The following MIPOL1 variants were observed in gnomAD, a reference collection of about 807,000 sequenced individuals.
MIPOL1 encodes the protein mirror-image polydactyly 1.
In MIPOL1, 57 loss-of-function variants were observed where a neutral mutation model predicts 60.9. The observed-to-expected ratio is 0.94, with a 90% CI of 0.76 to 1.17. The LOEUF (loss-of-function observed/expected upper bound fraction) is 1.17, where lower values mean the gene tolerates loss of function less well. Among genes scored for constraint, MIPOL1 ranks in the 50% most tolerant of loss-of-function variants. The pLI is 0.00. For synonymous variants in MIPOL1, 179 were observed against 168.8 expected, an observed-to-expected ratio of 1.06 and a Z score of -0.47; for missense variants, 551 against 511.6, an observed-to-expected ratio of 1.08 and a Z score of -0.74.
At chr14:37,413,967 TAAAG>T (rs2093721955) in intron 10 of MIPOL1, among the ~76,000 whole-genome samples, 1 of 152,182 alleles carries the variant, frequency 6.6e-6, no homozygotes, top group Admixed American at 6.5e-5. Context: ...ATTAGTGAGA[TAAAG>T]GAAGACCATA....
intron 12 of MIPOL1, among the ~76,000 whole-genome samples, chr14:37,508,117 A>G (rs1373821084): frequency 6.6e-6 from 1 of 152,192 alleles, no homozygotes; most frequent in Non-Finnish European, 1.5e-5. Flanking sequence ...ACTTCGTAAG[A>G]TGGTATTCAT....
chr14:37,337,350 A>G (rs1405131967), intron 9 of MIPOL1, among the ~76,000 whole-genome samples: 41 of 37,382 alleles, frequency 1.1e-3, no homozygotes, highest in African/African-American at 5.6e-3. Context: ...ATATATATAT[A>G]TATATATTTT....
chr14:37,362,247 C>G (rs974086577), intron 9 of MIPOL1, among the ~76,000 whole-genome samples: 2 of 152,138 alleles, frequency 1.3e-5, no homozygotes, highest in African/African-American at 4.8e-5. Context: ...GTGGCTAGTA[C>G]TGGTTGTTCC....
chr14:37,369,196 CAGAT>C (rs1460342125), intron 9 of MIPOL1, among the ~76,000 whole-genome samples: 4 of 152,028 alleles, frequency 2.6e-5, no homozygotes, highest in African/African-American at 9.6e-5. Context: ...ATTCAACCAA[CAGAT>C]AGATAATCAG....
chr14:37,366,145 A>G (rs182587464), intron 9 of MIPOL1, among the ~76,000 whole-genome samples: 1 of 148,348 alleles, frequency 6.7e-6, no homozygotes, highest in East Asian at 2.0e-4. Context: ...ATTTTTTTTC[A>G]TTTCAAATTT....
chr14:37,211,594 T>A (rs1966844879), intron 1 of MIPOL1, among the ~76,000 whole-genome samples: 1 of 152,062 alleles, frequency 6.6e-6, no homozygotes, highest in Admixed American at 6.5e-5. Context: ...GCCACTGAGG[T>A]CTGCAGCACT....
At chr14:37,458,899 G>GT (rs570319755) in intron 11 of MIPOL1, among the ~76,000 whole-genome samples, 7 of 151,570 alleles carry the variant, frequency 4.6e-5, no homozygotes, top group Non-Finnish European at 1.0e-4. Context: ...AAAATAAACA[G>GT]TTTGTTTCTG....
intron 11 of MIPOL1, among the ~76,000 whole-genome samples, chr14:37,491,849 T>A (rs2095052363): frequency 6.6e-6 from 1 of 152,210 alleles, no homozygotes. Context: ...TCATTGAAGT[T>A]ACTAGACTGT....
intron 11 of MIPOL1, among the ~76,000 whole-genome samples, chr14:37,458,162 T>G (rs2094498450): frequency 6.6e-6 from 1 of 151,708 alleles, no homozygotes; most frequent in Non-Finnish European, 1.5e-5. Context: ...CACCCAGAGT[T>G]GTAAAACAAA....
chr14:37,456,277 C>G (rs944230817), intron 11 of MIPOL1, among the ~76,000 whole-genome samples: 1 of 151,940 alleles, frequency 6.6e-6, no homozygotes, highest in African/African-American at 2.4e-5. Context: ...GTTAACAAGT[C>G]AGATACATAT....
chr14:37,435,231 G>A (rs571965193), intron 11 of MIPOL1, among the ~76,000 whole-genome samples: 2 of 152,152 alleles, frequency 1.3e-5, no homozygotes, highest in East Asian at 3.9e-4. Flanking sequence ...GTTCACTCCA[G>A]CCACACTAGG....
Position 37,407,842 on chromosome 14 carries a change from CTTCTTTTTTTTT to C in MIPOL1, c.937-15010_937-14999del, listed in dbSNP as rs1202577596. On this transcript the variant is annotated intron_variant, in intron 10 of 12. Transcript: ENST00000684589. ...ATTTTTTCTTTTCTTTCTTCTTCTT[CTTCTTTTTTTTT>C]TTTTTTTTTTTTGGAGACAAGGTCT... is the stretch of plus-strand genomic sequence containing the variant. 8.3e-4 allele frequency among the ~76,000 whole-genome samples: 48 copies of C among 58,064 alleles called. 1 individual carries two copies. The highest frequency in any genetic ancestry group is 2.7e-3 in the African/African-American group (41 of 15,418). 38.1% of individuals were successfully genotyped at this position (58,064 alleles called of 152,430 possible).
intron 9 of MIPOL1, among the ~76,000 whole-genome samples, chr14:37,361,765 G>C (rs941434434): frequency 6.6e-6 from 1 of 151,576 alleles, no homozygotes; most frequent in African/African-American, 2.4e-5. Context: ...CCACCCCCAT[G>C]CCCAGCTAAT....
intron 11 of MIPOL1, among the ~76,000 whole-genome samples, chr14:37,493,523 A>G (rs1594705208): frequency 6.6e-6 from 1 of 152,166 alleles, no homozygotes; most frequent in Admixed American, 6.6e-5. Context: ...GACATTTTCT[A>G]CCTTGGCCTG....
In MIPOL1 at chr14:37,239,525, T is replaced by TA. The variant is rs567372928; in HGVS notation, c.-198-7570dup. 4.3e-3 allele frequency among the ~76,000 whole-genome samples: 649 copies of TA among 151,978 alleles called. 4 individuals are homozygous for TA. The highest frequency in any genetic ancestry group is 0.015 in the African/African-American group (615 of 41,494). ...TGGATCCTAAGAAACTATAATGTGG[T>TA]AAAAAAAAGAGTACAACACTTACAT... is the stretch of plus-strand genomic sequence containing the variant. On this transcript the variant is annotated intron_variant, in intron 1 of 12. Coordinates refer to ENST00000684589, the MANE Select transcript of MIPOL1 (RefSeq NM_001388067.1).
chr14:37,369,561 C>G lies in MIPOL1; in HGVS notation c.873C>G (p.Asn291Lys). 6.2e-7 allele frequency: 1 copy of G among 1,613,522 alleles called. No homozygotes were observed. Among genetic ancestry groups the G allele is most frequent in the Non-Finnish European group, 8.5e-7 (1 of 1,179,632 alleles). Residue 291 changes from asparagine to lysine, a missense_variant, in exon 10 of 13, where the codon AAC becomes AAG. Asn to Lys is a moderately conservative substitution (Grantham distance 94, BLOSUM62 0). Coordinates refer to ENST00000684589, the MANE Select transcript of MIPOL1 (RefSeq NM_001388067.1). ...AGCTTCATCATGTGAAAGAGCAGAA[C>G]CAGACTTCAGCAAACAACATGAGAC... ...EQELHHVKEQ[N>K]QTSANNMRHL... is the part of the protein sequence containing the mutation.
In MIPOL1 at chr14:37,547,440, A is replaced by G. The variant is rs2095551100; in HGVS notation, c.*469A>G. 6.5e-6 allele frequency: 1 copy of G among 154,388 alleles called. No individual in the cohort carries two copies. The highest frequency in any genetic ancestry group is 2.4e-5 in the African/African-American group (1 of 41,470). The allele number at this position is 154,388 out of a possible 1,614,324, so 9.6% of individuals were successfully genotyped here. Reference sequence around the variant, plus strand: ...TATAGGGTATATTTCTTAACTGATGAGAGAGGCTTAGACATGAGTGTGTAG... The same window carrying G: ...TATAGGGTATATTTCTTAACTGATGGGAGAGGCTTAGACATGAGTGTGTAG... On this transcript the variant is annotated 3_prime_UTR_variant, in exon 13 of 13. Transcript: ENST00000684589.
intron 12 of MIPOL1, among the ~76,000 whole-genome samples, chr14:37,525,583 G>A (rs2095441585): frequency 6.6e-6 from 1 of 152,042 alleles, no homozygotes; most frequent in South Asian, 2.1e-4. Context: ...TAAAACCCTT[G>A]GGTTTATGTG....
At chr14:37,296,217 C>G in intron 7 of MIPOL1, among the ~76,000 whole-genome samples, 1 of 152,094 alleles carries the variant, frequency 6.6e-6, no homozygotes, top group South Asian at 2.1e-4. Context: ...AGGTACATAA[C>G]AAAATGAAGG....
Sources: allele counts gnomAD v4.1 joint callset (sites outside exome capture counted in the v4.1 genomes callset), GRCh38; gene constraint gnomAD v4.1.1; transcripts MANE v1.5; gene names NCBI Gene and HGNC (gene_info 2026-07-23, HGNC 2026-07-21).